LRRC53: variants seen among roughly 807,000 people sequenced by gnomAD.
The protein encoded by LRRC53 is leucine rich repeat containing 53, also known as leucine-rich repeat-containing protein 53.
In LRRC53, 25 loss-of-function variants were observed where a neutral mutation model predicts 13.6. The ratio of observed to expected loss-of-function variants is 1.83; its 90% CI spans 1.34 to 2.56. The LOEUF is 2.56. LRRC53 is among the 30% of genes most tolerant of loss of function. The pLI is 0.00. For missense variants in LRRC53, 527 were observed against 275.8 expected (o/e 1.91, Z -6.45); for synonymous variants, 204 against 109.8 (o/e 1.86, Z -5.37).
At chr1:74,507,186 A>G (rs778484732) in intron 1 of LRRC53, among the ~76,000 whole-genome samples, 53 of 152,004 alleles carry the variant, frequency 3.5e-4, no homozygotes, top group Non-Finnish European at 7.2e-4. Flanking sequence ...GAAAATTTGC[A>G]AATATCACAC....
At chr1:74,510,025 G>A (rs887259746) in intron 1 of LRRC53, among the ~76,000 whole-genome samples, 4 of 152,012 alleles carry the variant, frequency 2.6e-5, no homozygotes, top group Admixed American at 2.0e-4. Context: ...GAGCCTATGC[G>A]CCCAGCTTGA....
At chr1:74,491,645 T>C (rs1431948118) in intron 1 of LRRC53, among the ~76,000 whole-genome samples, 1 of 152,214 alleles carries the variant, frequency 6.6e-6, no homozygotes, top group African/African-American at 2.4e-5. Flanking sequence ...TTTTTCGTCT[T>C]ATAAAATTGA....
intron 1 of LRRC53, among the ~76,000 whole-genome samples, chr1:74,488,826 T>C (rs111548447): frequency 2.6e-5 from 4 of 152,234 alleles, no homozygotes; most frequent in African/African-American, 9.6e-5. Context: ...ATACACAGTG[T>C]GCAGTGTATT....
chr1:74,478,247 TTA>T (rs1262797275), intron 3 of LRRC53, among the ~76,000 whole-genome samples: 1 of 152,138 alleles, frequency 6.6e-6, no homozygotes, highest in Non-Finnish European at 1.5e-5. Context: ...GCACTACAAT[TTA>T]ACAATTATTT....
rs186883125 is a variant in LRRC53 at position 74,503,222 on chromosome 1, G to C, written c.-27+9304C>G. Among the ~76,000 whole-genome samples, 20 of 152,238 alleles carry C rather than the reference G, an allele frequency of 1.3e-4. No homozygotes were observed. The Middle Eastern group carries it at 0.01, about 78-fold the overall frequency. On this transcript the variant is annotated intron_variant, in intron 1 of 4. Transcript: ENST00000294635. ...TTTCAGGGCCAGAAATGAAGAAAAA[G>C]ACCACTCTTTCTCATGCATAAATAC...
At chr1:74,519,712 A>C in the LRRC53 span, among the ~76,000 whole-genome samples, 2 of 152,350 alleles carry the variant, frequency 1.3e-5, no homozygotes, top group South Asian at 4.1e-4. Context: ...TCTTTAAAAG[A>C]AAATTACATT....
At chr1:74,518,641 G>C in the LRRC53 span, among the ~76,000 whole-genome samples, 1 of 152,092 alleles carries the variant, frequency 6.6e-6, no homozygotes, top group African/African-American at 2.4e-5. Flanking sequence ...CAGTGCAGAG[G>C]CTTCATAATG....
chr1:74,469,773 C>T lies in LRRC53; in HGVS notation c.*105G>A. ...AAGAGTTACTGAGGACGTTGTTGTC[C>T]TCCAAAATGATCCACTTCTAATGCA... On this transcript the variant is annotated 3_prime_UTR_variant, in exon 5 of 5. Coordinates refer to ENST00000294635, the MANE Select transcript of LRRC53 (RefSeq NM_001382280.1). 2.5e-6 allele frequency: 1 copy of T among 397,320 alleles called. No individual in the cohort carries two copies. The highest frequency in any genetic ancestry group is 4.4e-6 in the Non-Finnish European group (1 of 225,150). 24.6% of individuals were successfully genotyped at this position (397,320 alleles called of 1,614,324 possible).
At chr1:74,524,088 C>T in the LRRC53 span, among the ~76,000 whole-genome samples, 3 of 152,232 alleles carry the variant, frequency 2.0e-5, no homozygotes, top group African/African-American at 7.2e-5. Context: ...TTGTCAAGAG[C>T]CTAACTGTGG....
chr1:74,515,929 C>T (rs530331428), upstream of LRRC53, among the ~76,000 whole-genome samples: 1 of 152,298 alleles, frequency 6.6e-6, no homozygotes, highest in East Asian at 1.9e-4. Flanking sequence ...TGGCTGCCTT[C>T]AAGGTTCTGA....
chr1:74,510,131 G>A (rs12030003), intron 1 of LRRC53, among the ~76,000 whole-genome samples: 2 of 151,262 alleles, frequency 1.3e-5, no homozygotes, highest in Admixed American at 6.6e-5. Flanking sequence ...ACATGACTTA[G>A]AGATGTTTAA....
chr1:74,483,372 C>A lies in LRRC53; in HGVS notation c.-23G>T, dbSNP rs1208746553. On this transcript the variant is annotated 5_prime_UTR_variant, in exon 2 of 5. Transcript: ENST00000294635. ...CATGATGGCAAAGAGTACCAGCCAT[C>A]CACCTGAAAGGAAAGTAGAGGGCAA... 1 of 717,154 alleles carries A rather than the reference C, an allele frequency of 1.4e-6. No individual in the cohort carries two copies. 44.4% of individuals were successfully genotyped at this position (717,154 alleles called of 1,614,324 possible). A position where few individuals can be genotyped will look rare whatever the true frequency, so the allele number is the denominator to read the frequency against.
intron 4 of LRRC53, among the ~76,000 whole-genome samples, chr1:74,474,507 T>G (rs1009025289): frequency 6.6e-6 from 1 of 152,184 alleles, no homozygotes; most frequent in Non-Finnish European, 1.5e-5. Context: ...AATTTCTTGA[T>G]ACAGCACCTC....
At chr1:74,533,076 A>C in the LRRC53 span, among the ~76,000 whole-genome samples, 1 of 152,216 alleles carries the variant, frequency 6.6e-6, no homozygotes, top group Non-Finnish European at 1.5e-5. Context: ...GGATCTAATT[A>C]AACTAAAGAG....
chr1:74,480,962 G>A lies in LRRC53; in HGVS notation c.95C>T (p.Pro32Leu). ...GATGATTAAAACCCTCGTGGTCATA[G>A]GGGCTGCTGTGGGGAAAAAAGCACA... ...CHQLTYIVAA[P>L]MTTRVLIITD... Residue 32 changes from proline to leucine, a missense_variant, in exon 3 of 5, where the codon CCT (proline) becomes CTT (leucine). Pro to Leu is a moderately conservative substitution (Grantham distance 98, BLOSUM62 -3). Transcript: ENST00000294635. 1.4e-6 allele frequency: 1 copy of A among 710,614 alleles called. No individual in the cohort carries two copies. Among genetic ancestry groups the A allele is most frequent in the Non-Finnish European group, 2.6e-6 (1 of 381,284 alleles). 44.0% of individuals were successfully genotyped at this position (710,614 alleles called of 1,614,324 possible).
chr1:74,513,689 G>A (rs1026417441), upstream of LRRC53, among the ~76,000 whole-genome samples: 20 of 152,148 alleles, frequency 1.3e-4, no homozygotes, highest in African/African-American at 4.6e-4. Flanking sequence ...TCATGTTTAG[G>A]GGTTGAAAAG....
chr1:74,533,545 A>G, the LRRC53 span, among the ~76,000 whole-genome samples: 44 of 152,274 alleles, frequency 2.9e-4, no homozygotes, highest in African/African-American at 1.0e-3. Flanking sequence ...CATTTGACCC[A>G]GCCATCCTAT....
the LRRC53 span, among the ~76,000 whole-genome samples, chr1:74,520,455 G>A: frequency 2.0e-5 from 3 of 151,810 alleles, no homozygotes; most frequent in Non-Finnish European, 4.4e-5. Flanking sequence ...TGGAGAAATC[G>A]ACCTTCTCAT....
At chr1:74,497,415 C>T (rs927262214) in intron 1 of LRRC53, among the ~76,000 whole-genome samples, 1 of 152,034 alleles carries the variant, frequency 6.6e-6, no homozygotes, top group African/African-American at 2.4e-5. Flanking sequence ...ATCCTCTCTC[C>T]ATCCCTAACT....
Sources: allele counts gnomAD v4.1 joint callset (sites outside exome capture counted in the v4.1 genomes callset), GRCh38; gene constraint gnomAD v4.1.1; transcripts MANE v1.5; gene names NCBI Gene and HGNC (gene_info 2026-07-23, HGNC 2026-07-21).